Variants in SLC25A30 observed in about 807,000 individuals in gnomAD.
The protein encoded by SLC25A30 is kidney mitochondrial carrier protein 1.
SLC25A30 carries 29 observed loss-of-function variants against 42.7 expected under a neutral mutation model. The ratio of observed to expected loss-of-function variants is 0.68; its 90% CI spans 0.51 to 0.93. The LOEUF is 0.93. Among genes scored for constraint, SLC25A30 ranks in the 40% least tolerant of loss-of-function variants. The pLI, the probability that SLC25A30 is intolerant of heterozygous loss-of-function variation, is 0.00. For missense variants in SLC25A30, 300 were observed against 359.7 expected (o/e 0.83, Z 1.34); for synonymous variants, 124 against 131.0 (o/e 0.95, Z 0.37).
intron 1 of SLC25A30, among the ~76,000 whole-genome samples, chr13:45,414,154 G>C (rs1447332217): frequency 6.6e-6 from 1 of 152,174 alleles, no homozygotes; most frequent in Non-Finnish European, 1.5e-5. Context: ...AAGTTAGCTA[G>C]TCAGGAGGTA....
At chr13:45,418,175 C>G (rs1228194933) in intron 1 of SLC25A30, 125 bp downstream of exon 1, 2 of 152,614 alleles carry the variant, frequency 1.3e-5, no homozygotes, top group African/African-American at 4.8e-5. Flanking sequence ...GCACAGGCAG[C>G]CCCGAGCACG....
chr13:45,416,292 T>C (rs1440077357), intron 1 of SLC25A30, among the ~76,000 whole-genome samples: 1 of 151,624 alleles, frequency 6.6e-6, no homozygotes, highest in Non-Finnish European at 1.5e-5. Flanking sequence ...CCTGTAATTC[T>C]AGCTATTCGG....
chr13:45,411,404 G>A lies in SLC25A30; in HGVS notation c.22C>T (p.Pro8Ser). 6.2e-7 allele frequency: 1 copy of A among 1,614,124 alleles called. No individual in the cohort carries two copies. Among genetic ancestry groups the A allele is most frequent in the Non-Finnish European group, 8.5e-7 (1 of 1,180,002 alleles). Residue 8 changes from proline (P) to serine (S), a missense_variant, in exon 2 of 10, where the codon CCG becomes TCG. Coordinates refer to ENST00000519676, the MANE Select transcript of SLC25A30 (RefSeq NM_001010875.4). MSALNWK[P>S]FVYGGLASIT... is the part of the protein sequence containing the mutation. ...GAGGCCAGCCCCCCGTACACAAACG[G>A]CTTCCAGTTGAGGGCTGACATTCTC...
chr13:45,404,269 G>T, intron 5 of SLC25A30, 58 bp downstream of exon 5: 2 of 1,172,564 alleles, frequency 1.7e-6, no homozygotes, highest in Non-Finnish European at 2.6e-6. Flanking sequence ...TTACCCGAAT[G>T]TTGTTCTCAA....
the SLC25A30 span, among the ~76,000 whole-genome samples, chr13:45,425,483 T>G: frequency 8.9e-6 from 1 of 112,726 alleles, no homozygotes; most frequent in African/African-American, 3.5e-5. Flanking sequence ...TAAGCATATA[T>G]AAATATATAT....
In SLC25A30 at chr13:45,402,274, C is replaced by T. The variant is rs1882066942; in HGVS notation, c.489+1G>A. Reference sequence around the variant, plus strand: ...CAGTTCGATCCATCCTTCTGGCTTACCTTCCACAGTCCTCTTGTCCCCTCT... The same window carrying T: ...CAGTTCGATCCATCCTTCTGGCTTATCTTCCACAGTCCTCTTGTCCCCTCT... On this transcript the variant is annotated splice_donor_variant, in intron 6 of 9. Transcript: ENST00000519676. LOFTEE classifies it high-confidence loss of function. 6.2e-7 allele frequency: 1 copy of T among 1,610,550 alleles called. No homozygotes were observed. The highest frequency in any genetic ancestry group is 8.5e-7 in the Non-Finnish European group (1 of 1,176,904).
intron 1 of SLC25A30, chr13:45,411,879 A>G (rs1262824597): frequency 6.0e-6 from 1 of 166,842 alleles, no homozygotes; most frequent in East Asian, 1.6e-4. Context: ...TGAGAGGCCA[A>G]GGTAGGAGAA....
intron 4 of SLC25A30, among the ~76,000 whole-genome samples, chr13:45,404,966 A>C (rs1218916969): frequency 1.3e-5 from 2 of 152,202 alleles, no homozygotes; most frequent in Non-Finnish European, 1.5e-5. Context: ...TCTGTTACCT[A>C]GGCTGGAGTG....
rs1017363963 is a variant in SLC25A30, at chr13:45,393,526, A to G, written c.*2448T>C. On this transcript the variant is annotated 3_prime_UTR_variant, in exon 10 of 10. Transcript: ENST00000519676. ...TATGAATCCACAACATTAAGCATCA[A>G]TGATTACACAAATCCATAAGCACAC... 5.1e-6 allele frequency: 5 copies of G among 985,342 alleles called. No individual in the cohort carries two copies. Among genetic ancestry groups the G allele is most frequent in the African/African-American group, 1.7e-5 (1 of 57,244 alleles). 61.0% of individuals were successfully genotyped at this position (985,342 alleles called of 1,614,324 possible).
At chr13:45,425,071 C>A in the SLC25A30 span, among the ~76,000 whole-genome samples, 16 of 4,368 alleles carry the variant, frequency 3.7e-3, 6 homozygotes, top group African/African-American at 0.014. Context: ...AGTATATATA[C>A]ATATATATAA....
intron 6 of SLC25A30, 72 bp from the exon 7 acceptor site, chr13:45,401,279 GGT>G (rs1445513260): frequency 8.1e-6 from 12 of 1,478,182 alleles, no homozygotes; most frequent in Non-Finnish European, 1.1e-5. Flanking sequence ...AATGTGCAAA[GGT>G]TCTAATCCAT....
chr13:45,428,517 CTT>C, the SLC25A30 span, among the ~76,000 whole-genome samples: 977 of 92,474 alleles, frequency 0.011, 2 homozygotes, highest in South Asian at 0.024. Flanking sequence ...TTCTTTTTAA[CTT>C]TTTTTTTTTT....
In SLC25A30 at chr13:45,418,337, T is replaced by A. The variant is rs1050380030; in HGVS notation, c.-93A>T. The stretch of plus-strand genomic sequence containing the variant: ...GCCCCACACCTCCTCCAACCCGGAC[T>A]CAGTTGTAACAAGAACCTGAGGCCG... On this transcript the variant is annotated 5_prime_UTR_variant, in exon 1 of 10. Coordinates refer to ENST00000519676, the MANE Select transcript of SLC25A30 (RefSeq NM_001010875.4). 7.2e-5 allele frequency: 11 copies of A among 152,290 alleles called. No individual in the cohort carries two copies. The highest frequency in any genetic ancestry group is 2.7e-4 in the African/African-American group (11 of 41,502). The allele number at this position is 152,290 out of a possible 1,614,324, so 9.4% of individuals were successfully genotyped here.
Position 45,394,728 on chromosome 13 carries a change from G to A in SLC25A30, c.*1246C>T, listed in dbSNP as rs1314384294. On this transcript the variant is annotated 3_prime_UTR_variant, in exon 10 of 10. Coordinates refer to ENST00000519676, the MANE Select transcript of SLC25A30 (RefSeq NM_001010875.4). Reference sequence around the variant, plus strand: ...AAGAAGAGGGAGAATGACTTATTGTGTCTACAGAAGGAAAGAAAAAGGGAA... The same window carrying A: ...AAGAAGAGGGAGAATGACTTATTGTATCTACAGAAGGAAAGAAAAAGGGAA... 1.0e-6 allele frequency: 1 copy of A among 984,948 alleles called. No individual in the cohort carries two copies. Among genetic ancestry groups the A allele is most frequent in the Admixed American group, 6.2e-5 (1 of 16,246 alleles). The allele number at this position is 984,948 out of a possible 1,614,324, so 61.0% of individuals were successfully genotyped here.
chr13:45,430,872 T>G, the SLC25A30 span, among the ~76,000 whole-genome samples: 1 of 152,100 alleles, frequency 6.6e-6, no homozygotes, highest in Non-Finnish European at 1.5e-5. Flanking sequence ...ATGTTTCTCC[T>G]TGGCCACTGT....
intron 2 of SLC25A30, 110 bp downstream of exon 2, chr13:45,411,252 G>T: frequency 1.1e-6 from 1 of 903,346 alleles, no homozygotes; most frequent in Non-Finnish European, 1.8e-6. Context: ...CAGACATTTT[G>T]AATTCTGAGA....
At chr13:45,433,679 C>T in the SLC25A30 span, among the ~76,000 whole-genome samples, 10 of 152,128 alleles carry the variant, frequency 6.6e-5, no homozygotes, top group East Asian at 1.9e-4. Context: ...GGAAGCTGGC[C>T]GAGGCCTGAG....
At chr13:45,397,402 T>G in intron 8 of SLC25A30, 64 bp from the exon 9 acceptor site, 2 of 1,248,706 alleles carry the variant, frequency 1.6e-6, no homozygotes, top group Non-Finnish European at 2.3e-6. Flanking sequence ...CATTAATAAT[T>G]AGTGGCCAGG....
intron 7 of SLC25A30, among the ~76,000 whole-genome samples, chr13:45,399,694 G>A (rs762137360): frequency 6.6e-6 from 1 of 152,022 alleles, no homozygotes; most frequent in Non-Finnish European, 1.5e-5. Flanking sequence ...AATCCTCCAA[G>A]GATGATCTTT....
Sources: gnomAD v4.1 joint callset for allele counts (sites outside exome capture counted in the v4.1 genomes callset) on GRCh38, gnomAD v4.1.1 for gene constraint, MANE v1.5 for transcripts, NCBI Gene and HGNC (gene_info 2026-07-23, HGNC 2026-07-21) for gene names.